The following KHDRBS2 variants were observed in gnomAD, a reference collection of about 807,000 sequenced individuals.
The protein encoded by KHDRBS2 is KH RNA binding domain containing, signal transduction associated 2.
Under a neutral mutation model 44.3 loss-of-function variants are expected in KHDRBS2, and 26 were observed. The observed-to-expected ratio is 0.59, with a 90% confidence interval of 0.43 to 0.81. The LOEUF (loss-of-function observed/expected upper bound fraction) is 0.81, where lower values mean the gene tolerates loss of function less well. KHDRBS2 is among the 40% of genes least tolerant of loss of function. The pLI is 0.00. For missense variants in KHDRBS2, 476 were observed against 433.1 expected, an observed-to-expected ratio of 1.10 and a Z score of -0.88; for synonymous variants, 194 against 151.1, an observed-to-expected ratio of 1.28 and a Z score of -2.08.
chr6:61,723,313 A>G (rs2127556667), intron 7 of KHDRBS2, among the ~76,000 whole-genome samples: 1 of 152,294 alleles, frequency 6.6e-6, no homozygotes, highest in South Asian at 2.1e-4. Flanking sequence ...AAACTCAAAA[A>G]GCCAGAGAGC....
At chr6:62,043,675 T>C (rs1346118247) in intron 3 of KHDRBS2, among the ~76,000 whole-genome samples, 2 of 152,086 alleles carry the variant, frequency 1.3e-5, no homozygotes, top group African/African-American at 4.8e-5. Context: ...AGTTATCGGC[T>C]AGGTATAACT....
the KHDRBS2 span, among the ~76,000 whole-genome samples, chr6:61,609,492 T>C: frequency 6.6e-6 from 1 of 152,238 alleles, no homozygotes; most frequent in Non-Finnish European, 1.5e-5. Flanking sequence ...TTGCTTCTAG[T>C]GCATATAATT....
chr6:61,853,534 T>G (rs1220897558), intron 6 of KHDRBS2, among the ~76,000 whole-genome samples: 1 of 152,178 alleles, frequency 6.6e-6, no homozygotes, highest in East Asian at 1.9e-4. Flanking sequence ...GCTGACATTG[T>G]GGAATCTCCT....
intron 1 of KHDRBS2, among the ~76,000 whole-genome samples, chr6:62,182,692 A>G (rs1437865462): frequency 6.6e-6 from 1 of 151,874 alleles, no homozygotes; most frequent in Non-Finnish European, 1.5e-5. Context: ...TTTTACAATA[A>G]AGGATTATAG....
intron 5 of KHDRBS2, among the ~76,000 whole-genome samples, chr6:61,901,029 G>A (rs1463927667): frequency 6.6e-6 from 1 of 152,088 alleles, no homozygotes; most frequent in Non-Finnish European, 1.5e-5. Context: ...TTTCTCACCT[G>A]CAGATGCTAT....
At chr6:61,913,917 G>T (rs569599688) in intron 4 of KHDRBS2, among the ~76,000 whole-genome samples, 2 of 152,202 alleles carry the variant, frequency 1.3e-5, no homozygotes, top group Non-Finnish European at 2.9e-5. Context: ...GTGAGCAAGG[G>T]TGTAAATGAT....
the KHDRBS2 span, among the ~76,000 whole-genome samples, chr6:61,554,535 A>G: frequency 1.3e-5 from 2 of 152,054 alleles, no homozygotes; most frequent in African/African-American, 4.8e-5. Context: ...GACATGTGCA[A>G]ATTTCTTCCT....
intron 7 of KHDRBS2, among the ~76,000 whole-genome samples, chr6:61,727,927 G>T (rs1773835345): frequency 6.6e-6 from 1 of 152,054 alleles, no homozygotes; most frequent in African/African-American, 2.4e-5. Context: ...TACTGGGTAT[G>T]TACCCAAAGT....
chr6:62,268,481 A>T (rs1249161814), intron 1 of KHDRBS2, among the ~76,000 whole-genome samples: 1 of 152,076 alleles, frequency 6.6e-6, no homozygotes, highest in Non-Finnish European at 1.5e-5. Flanking sequence ...GAAGATGAAG[A>T]TATAAAGATG....
intron 2 of KHDRBS2, among the ~76,000 whole-genome samples, chr6:62,095,321 T>A (rs1182105922): frequency 6.6e-6 from 1 of 151,802 alleles, no homozygotes; most frequent in African/African-American, 2.4e-5. Context: ...AATGAAAGAC[T>A]GCACATACAA....
intron 6 of KHDRBS2, among the ~76,000 whole-genome samples, chr6:61,890,064 A>G (rs1801587496): frequency 6.6e-6 from 1 of 152,066 alleles, no homozygotes; most frequent in South Asian, 2.1e-4. Flanking sequence ...CTACCTCATT[A>G]ATTTTTATTC....
chr6:61,607,100 T>A, the KHDRBS2 span, among the ~76,000 whole-genome samples: 1 of 151,788 alleles, frequency 6.6e-6, no homozygotes, highest in Non-Finnish European at 1.5e-5. Flanking sequence ...ATTAATTTTT[T>A]TTGGAAAAAG....
chr6:62,265,150 G>T (rs1230487212), intron 1 of KHDRBS2, among the ~76,000 whole-genome samples: 1 of 151,896 alleles, frequency 6.6e-6, no homozygotes. Context: ...ACTAAAAGAT[G>T]CAATGGGGAC....
intron 3 of KHDRBS2, among the ~76,000 whole-genome samples, chr6:62,018,047 T>C (rs995471341): frequency 2.0e-5 from 3 of 151,640 alleles, no homozygotes; most frequent in Non-Finnish European, 4.4e-5. Flanking sequence ...GTAGTATAAA[T>C]AAGTACTACT....
chr6:61,607,547 A>AAAAAAC, the KHDRBS2 span, among the ~76,000 whole-genome samples: 1 of 140,216 alleles, frequency 7.1e-6, no homozygotes, highest in Non-Finnish European at 1.6e-5. Flanking sequence ...AAAAAAAAAG[A>AAAAAAC]TGTGTGAGAA....
At chr6:61,609,893 G>T in the KHDRBS2 span, among the ~76,000 whole-genome samples, 89,841 of 152,012 alleles carry the variant, frequency 0.59, 26,752 homozygotes, top group Non-Finnish European at 0.61. Context: ...TTGAAAACAG[G>T]CTGGGTGCGG....
chr6:61,646,152 G>T, the KHDRBS2 span, among the ~76,000 whole-genome samples: 1 of 152,186 alleles, frequency 6.6e-6, no homozygotes, highest in South Asian at 2.1e-4. Flanking sequence ...TCTATGGTGT[G>T]ATCTTGGACA....
chr6:62,110,899 A>G (rs1584770420), intron 2 of KHDRBS2, among the ~76,000 whole-genome samples: 1 of 152,130 alleles, frequency 6.6e-6, no homozygotes, highest in East Asian at 1.9e-4. Flanking sequence ...GTTAAATTAA[A>G]AAAAAGTAAA....
At chr6:62,076,456 G>A (rs1173991985) in intron 2 of KHDRBS2, among the ~76,000 whole-genome samples, 1 of 151,988 alleles carries the variant, frequency 6.6e-6, no homozygotes, top group African/African-American at 2.4e-5. Flanking sequence ...AGAAGTCAAG[G>A]TTCATTAAGT....
Sources: allele counts gnomAD v4.1 joint callset (sites outside exome capture counted in the v4.1 genomes callset), GRCh38; gene constraint gnomAD v4.1.1; transcripts MANE v1.5; gene names NCBI Gene and HGNC (gene_info 2026-07-23, HGNC 2026-07-21).